Variants in DOCK9 observed in about 807,000 individuals in gnomAD.
DOCK9 encodes dedicator of cytokinesis protein 9.
DOCK9 carries 89 observed loss-of-function variants against 263.3 expected under a neutral mutation model. That is an observed-to-expected ratio of 0.34 (90% CI 0.28 to 0.40). The LOEUF (loss-of-function observed/expected upper bound fraction) is 0.40, where lower values mean the gene tolerates loss of function less well. Ranked by LOEUF, DOCK9 falls within the 10% of genes least tolerant of loss-of-function variation. The pLI, the probability that DOCK9 is intolerant of heterozygous loss-of-function variation, is 1.00. For missense variants in DOCK9, 2,140 were observed against 2,603.4 expected, an observed-to-expected ratio of 0.82 and a Z score of 3.87; for synonymous variants, 976 against 973.1, an observed-to-expected ratio of 1.00 and a Z score of -0.06.
At chr13:98,867,820 T>G in intron 29 of DOCK9, 108 bp downstream of exon 29, 1 of 1,086,650 alleles carries the variant, frequency 9.2e-7, no homozygotes, top group Non-Finnish European at 1.3e-6. Context: ...CTCAATACAA[T>G]AAAAAAATTA....
Position 98,883,056 on chromosome 13 carries a change from C to A in DOCK9, c.2545G>T (p.Val849Leu). 6.2e-7 allele frequency: 1 copy of A among 1,613,648 alleles called. No homozygotes were observed. Among genetic ancestry groups the A allele is most frequent in the Non-Finnish European group, 8.5e-7 (1 of 1,179,762 alleles). ...SGAQALGNEL[V>L]KYLKSLHAME... ...CCATGTGATACCTTAAGGTACTTTA[C>A]AAGTTCGTTTCCTAAGGCTTGGGCT... Residue 849 changes from valine (V) to leucine (L), a missense_variant, in exon 23 of 53, where the codon GTA becomes TTA. By Grantham distance (32) the Val-to-Leu change is conservative (BLOSUM62 1). Transcript: ENST00000682017.
chr13:98,956,176 G>A (rs754128300), intron 1 of DOCK9, among the ~76,000 whole-genome samples: 36 of 152,320 alleles, frequency 2.4e-4, no homozygotes, highest in Admixed American at 5.2e-4. Context: ...GTGAATCCGA[G>A]GGGATGGGGA....
intron 39 of DOCK9, among the ~76,000 whole-genome samples, chr13:98,835,183 G>A (rs2092943440): frequency 6.6e-6 from 1 of 152,154 alleles, no homozygotes; most frequent in Non-Finnish European, 1.5e-5. Flanking sequence ...GATTGTCTTT[G>A]GCAATTTATT....
chr13:98,924,736 C>T (rs571724228), intron 4 of DOCK9, among the ~76,000 whole-genome samples: 1 of 152,316 alleles, frequency 6.6e-6, no homozygotes, highest in African/African-American at 2.4e-5. Context: ...CCTCTTTGGT[C>T]TCTTTTCACA....
exon 1 of DOCK9, chr13:99,086,380 C>A (rs2042343055): frequency 8.6e-7 from 1 of 1,164,220 alleles, no homozygotes; most frequent in Non-Finnish European, 1.1e-6. Flanking sequence ...TCCGCCTCCG[C>A]CTGCTCCCGC....
At position 98,797,427 on chromosome 13, in the gene DOCK9, A is replaced by G; in HGVS notation, c.5979T>C (p.Tyr1993=). 2 of 1,613,736 alleles carry G rather than the reference A, an allele frequency of 1.2e-6. No homozygotes were observed. The highest frequency in any genetic ancestry group is 1.7e-6 in the Non-Finnish European group (2 of 1,179,796). Residue 1993 remains tyrosine (Y), a synonymous_variant, in exon 51 of 53, where the codon TAT becomes TAC. Coordinates refer to ENST00000682017, the MANE Select transcript of DOCK9 (RefSeq NM_001366683.2). ...TAAGCAGCTTCACTTTATTGTCAGG[A>G]TATCGCTTTGTGTTTGTATCATCTA... is the stretch of plus-strand genomic sequence containing the variant. ...AFLDDTNTKR[Y]PDNKVKLLKE...
chr13:98,813,106 G>C (rs986736896), intron 45 of DOCK9, among the ~76,000 whole-genome samples: 1 of 152,194 alleles, frequency 6.6e-6, no homozygotes, highest in African/African-American at 2.4e-5. Context: ...CTTGTATCCT[G>C]TGATCTTGCT....
intron 45 of DOCK9, among the ~76,000 whole-genome samples, chr13:98,812,161 C>T (rs868164824): frequency 8.2e-6 from 1 of 122,658 alleles, no homozygotes; most frequent in Non-Finnish European, 1.7e-5. Context: ...GGTTTTGCTA[C>T]ACTTTAATGG....
At chr13:98,795,610 G>A (rs973824402) in intron 52 of DOCK9, among the ~76,000 whole-genome samples, 22 of 152,168 alleles carry the variant, frequency 1.4e-4, no homozygotes, top group Admixed American at 1.1e-3. Context: ...GCCCAATGTC[G>A]GCACCCACTG....
At chr13:99,081,218 T>C (rs1246173690) in intron 1 of DOCK9, among the ~76,000 whole-genome samples, 2 of 152,272 alleles carry the variant, frequency 1.3e-5, no homozygotes, top group East Asian at 3.9e-4. Flanking sequence ...AGATTTTACC[T>C]TACTTGAGAA....
At position 98,831,546 on chromosome 13, in the gene DOCK9, G is replaced by T; in HGVS notation, c.4453-16C>A. 1.3e-6 allele frequency: 2 copies of T among 1,585,328 alleles called. No individual in the cohort carries two copies. The highest frequency in any genetic ancestry group is 1.7e-6 in the Non-Finnish European group (2 of 1,164,616). ...TTGAGGGAAACTAGACAGGATGAGA[G>T]GAAGCAGCAGATAAACCACAGACAG... On this transcript the variant is annotated splice_polypyrimidine_tract_variant and intron_variant, in intron 40 of 52. Coordinates refer to ENST00000682017, the MANE Select transcript of DOCK9 (RefSeq NM_001366683.2).
intron 2 of DOCK9, among the ~76,000 whole-genome samples, chr13:98,936,994 T>G (rs2054956055): frequency 6.6e-6 from 1 of 152,260 alleles, no homozygotes; most frequent in Non-Finnish European, 1.5e-5. Context: ...AAGTTTTCTT[T>G]TTCATAGCTG....
chr13:99,041,889 C>G (rs1008990728), intron 1 of DOCK9, among the ~76,000 whole-genome samples: 3 of 152,232 alleles, frequency 2.0e-5, no homozygotes, highest in African/African-American at 7.2e-5. Flanking sequence ...GAACCACCTC[C>G]AGAATCTGGA....
intron 1 of DOCK9, among the ~76,000 whole-genome samples, chr13:99,051,697 C>A (rs2040702865): frequency 6.6e-6 from 1 of 151,972 alleles, no homozygotes; most frequent in African/African-American, 2.4e-5. Context: ...CCTTCACCAC[C>A]ACTACACTCA....
chr13:98,937,191 G>A (rs1446498779), intron 2 of DOCK9, among the ~76,000 whole-genome samples: 1 of 152,148 alleles, frequency 6.6e-6, no homozygotes, highest in African/African-American at 2.4e-5. Context: ...TAATAAATCT[G>A]TACATTTGAA....
intron 38 of DOCK9, chr13:98,845,300 A>G (rs1181407448): frequency 2.2e-6 from 3 of 1,352,510 alleles, no homozygotes; most frequent in Non-Finnish European, 3.0e-6. Flanking sequence ...CAACCTCATA[A>G]AGCAGACTTC....
chr13:98,810,869 T>TAC (rs2091237337), intron 45 of DOCK9, among the ~76,000 whole-genome samples: 1 of 152,222 alleles, frequency 6.6e-6, no homozygotes, highest in Non-Finnish European at 1.5e-5. Flanking sequence ...GGCCTGGACT[T>TAC]ACACTAATCA....
At chr13:98,939,914 A>G (rs1260651417) in intron 2 of DOCK9, among the ~76,000 whole-genome samples, 2 of 152,222 alleles carry the variant, frequency 1.3e-5, no homozygotes, top group Admixed American at 6.5e-5. Flanking sequence ...TGTCCCTTTG[A>G]TATCTGCTGG....
upstream of DOCK9, among the ~76,000 whole-genome samples, chr13:99,087,641 A>G (rs956977192): frequency 6.6e-6 from 1 of 152,140 alleles, no homozygotes; most frequent in East Asian, 1.9e-4. Context: ...TCTCTGAGGA[A>G]GCCCGGCGCA....
Sources: gnomAD v4.1 joint callset for allele counts (sites outside exome capture counted in the v4.1 genomes callset) on GRCh38, gnomAD v4.1.1 for gene constraint, MANE v1.5 for transcripts, NCBI Gene and HGNC (gene_info 2026-07-23, HGNC 2026-07-21) for gene names.